Variants in CACNA2D1 observed in about 807,000 individuals in gnomAD.
CACNA2D1 encodes the protein voltage-dependent calcium channel subunit alpha-2/delta-1.
A neutral mutation model predicts 171.5 loss-of-function variants in CACNA2D1; 53 were observed. The observed-to-expected ratio is 0.31, with a 90% confidence interval of 0.25 to 0.39. CACNA2D1 has a LOEUF of 0.39. Ranked by LOEUF, CACNA2D1 falls within the 10% of genes least tolerant of loss-of-function variation. The pLI is 1.00. For missense variants in CACNA2D1, 903 were observed against 1,299.8 expected (o/e 0.69, Z 4.69); for synonymous variants, 442 against 443.1 (o/e 1.00, Z 0.03).
intron 12 of CACNA2D1, among the ~76,000 whole-genome samples, chr7:82,016,417 C>T (rs1442376742): frequency 6.6e-6 from 1 of 152,006 alleles, no homozygotes; most frequent in African/African-American, 2.4e-5. Context: ...GTTACCACAA[C>T]AATCATCTAG....
At chr7:82,299,654 T>C (rs1585395006) in intron 3 of CACNA2D1, among the ~76,000 whole-genome samples, 1 of 148,344 alleles carries the variant, frequency 6.7e-6, no homozygotes. Context: ...AGCAAGACTC[T>C]ATCTCAAAAA....
intron 3 of CACNA2D1, among the ~76,000 whole-genome samples, chr7:82,173,640 G>A (rs907349566): frequency 1.3e-5 from 2 of 148,468 alleles, no homozygotes; most frequent in Admixed American, 6.6e-5. Flanking sequence ...ATAGAAAACC[G>A]ACATGTCTTC....
At chr7:82,257,737 T>C (rs540836533) in intron 3 of CACNA2D1, among the ~76,000 whole-genome samples, 4 of 152,320 alleles carry the variant, frequency 2.6e-5, no homozygotes, top group Admixed American at 2.0e-4. Flanking sequence ...GGACTGGTTC[T>C]CACATTTAAA....
chr7:81,949,903 T>C lies in CACNA2D1; in HGVS notation c.*489A>G, dbSNP rs183727812. On this transcript the variant is annotated 3_prime_UTR_variant, in exon 39 of 39. Coordinates refer to ENST00000356860, the MANE Select transcript of CACNA2D1 (RefSeq NM_000722.4). ...ACAATTTAGACCAATGTTAATTCTC[T>C]CTTTCTCTATATATTTCAATAATTG... is the stretch of plus-strand genomic sequence containing the variant. 1,440 of 154,706 alleles carry C rather than the reference T, an allele frequency of 9.3e-3. 16 individuals are homozygous for C. The highest frequency in any genetic ancestry group is 0.014 in the Non-Finnish European group (980 of 69,546). The allele number at this position is 154,706 out of a possible 1,614,324, so 9.6% of individuals were successfully genotyped here.
chr7:82,317,099 C>T (rs1815219227), intron 3 of CACNA2D1, among the ~76,000 whole-genome samples: 1 of 152,160 alleles, frequency 6.6e-6, no homozygotes, highest in Non-Finnish European at 1.5e-5. Flanking sequence ...TTGAATATTA[C>T]CGAATGAGTA....
chr7:82,220,366 T>G (rs1349094268), intron 3 of CACNA2D1, among the ~76,000 whole-genome samples: 1 of 152,196 alleles, frequency 6.6e-6, no homozygotes, highest in East Asian at 1.9e-4. Flanking sequence ...GGTGGATCTT[T>G]ACTGTGTTTG....
chr7:82,420,427 A>C (rs1227429339), intron 1 of CACNA2D1, among the ~76,000 whole-genome samples: 2 of 152,208 alleles, frequency 1.3e-5, no homozygotes, highest in African/African-American at 4.8e-5. Context: ...TGAGGATTCC[A>C]AAGATCTTTT....
intron 5 of CACNA2D1, among the ~76,000 whole-genome samples, chr7:82,132,895 T>A (rs547177979): frequency 6.6e-6 from 1 of 152,040 alleles, no homozygotes; most frequent in African/African-American, 2.4e-5. Context: ...CAATGAAAAA[T>A]TTTCAGTATA....
intron 38 of CACNA2D1, among the ~76,000 whole-genome samples, chr7:81,954,016 C>CT (rs1166098019): frequency 6.6e-5 from 10 of 152,064 alleles, no homozygotes; most frequent in Admixed American, 1.3e-4. Flanking sequence ...AAAAATGTGT[C>CT]TTTTAAGTTT....
intron 3 of CACNA2D1, among the ~76,000 whole-genome samples, chr7:82,274,865 T>C (rs927820981): frequency 2.6e-5 from 4 of 151,922 alleles, no homozygotes; most frequent in Non-Finnish European, 5.9e-5. Flanking sequence ...TATGAATGAA[T>C]GAATGAATGA....
chr7:82,301,883 G>A (rs369024612), intron 3 of CACNA2D1, among the ~76,000 whole-genome samples: 22 of 151,564 alleles, frequency 1.5e-4, no homozygotes, highest in African/African-American at 3.9e-4. Flanking sequence ...TCAGCCTCCC[G>A]AGTAGCTGGA....
At chr7:82,030,289 T>C (rs952722232) in intron 12 of CACNA2D1, among the ~76,000 whole-genome samples, 1 of 151,668 alleles carries the variant, frequency 6.6e-6, no homozygotes, top group Non-Finnish European at 1.5e-5. Context: ...ATGGAATACA[T>C]TTACTTTCCT....
chr7:82,323,525 A>G (rs759876771), intron 3 of CACNA2D1, among the ~76,000 whole-genome samples: 7 of 152,142 alleles, frequency 4.6e-5, no homozygotes, highest in Non-Finnish European at 8.8e-5. Flanking sequence ...AGGCTGACTG[A>G]CTCAGTGAGG....
At chr7:82,270,563 T>C (rs1256886946) in intron 3 of CACNA2D1, among the ~76,000 whole-genome samples, 3 of 152,176 alleles carry the variant, frequency 2.0e-5, no homozygotes, top group African/African-American at 4.8e-5. Flanking sequence ...TTGGGAGACA[T>C]GTATTCATTT....
rs1044592743 is a variant in CACNA2D1 at position 81,949,526 on chromosome 7, A to G, written c.*866T>C. The G allele has an allele frequency of 2.0e-5, 3 of 152,186 alleles. No individual in the cohort carries two copies. Among genetic ancestry groups the G allele is most frequent in the African/African-American group, 7.2e-5 (3 of 41,436 alleles). The allele number at this position is 152,186 out of a possible 1,614,324, so 9.4% of individuals were successfully genotyped here. A position where few individuals can be genotyped will look rare whatever the true frequency, so the allele number is the denominator to read the frequency against. Reference sequence around the variant, plus strand: ...ACCCTTGGTAAACCAAAGTTCATTTATCACAAGAAAAACATTTCCCCCTCC... The same window carrying G: ...ACCCTTGGTAAACCAAAGTTCATTTGTCACAAGAAAAACATTTCCCCCTCC... On this transcript the variant is annotated 3_prime_UTR_variant, in exon 39 of 39. Transcript: ENST00000356860.
chr7:82,244,073 T>C (rs1179535069), intron 3 of CACNA2D1, among the ~76,000 whole-genome samples: 2 of 152,200 alleles, frequency 1.3e-5, no homozygotes, highest in Non-Finnish European at 2.9e-5. Context: ...GAGTTTTCAT[T>C]CATTAGTTAA....
rs191992948 is a variant in CACNA2D1 at position 82,136,706 on chromosome 7, T to A, written c.355-30A>T. On this transcript the variant is annotated intron_variant, in intron 4 of 38. Coordinates refer to ENST00000356860, the MANE Select transcript of CACNA2D1 (RefSeq NM_000722.4). ...AAAAAAAAAAGAACGCTTTATTGAT[T>A]TTAATAAAAACAATACTGTATCAAA... 1.4e-5 allele frequency: 20 copies of A among 1,481,102 alleles called. No individual in the cohort carries two copies. In the East Asian group the frequency reaches 4.7e-4, roughly 35 times the overall value. The allele number at this position is 1,481,102 out of a possible 1,614,324, so 91.7% of individuals were successfully genotyped here. A position where few individuals can be genotyped will look rare whatever the true frequency, so the allele number is the denominator to read the frequency against.
At chr7:82,242,000 T>A (rs1325692199) in intron 3 of CACNA2D1, among the ~76,000 whole-genome samples, 2 of 152,146 alleles carry the variant, frequency 1.3e-5, no homozygotes, top group Non-Finnish European at 2.9e-5. Flanking sequence ...ATTAAGCTTT[T>A]AAAATCATTC....
chr7:82,404,558 G>A (rs74940090), intron 1 of CACNA2D1, among the ~76,000 whole-genome samples: 1,725 of 151,738 alleles, frequency 0.011, 32 homozygotes, highest in African/African-American at 0.04. Context: ...TCAACTGTGG[G>A]GGAATAAATT....
Sources: allele counts gnomAD v4.1 joint callset (sites outside exome capture counted in the v4.1 genomes callset), GRCh38; gene constraint gnomAD v4.1.1; transcripts MANE v1.5; gene names NCBI Gene and HGNC (gene_info 2026-07-23, HGNC 2026-07-21).